STON2: variants seen among roughly 807,000 people sequenced by gnomAD.
The protein encoded by STON2 is stonin 2.
Under a neutral mutation model 65.7 loss-of-function variants are expected in STON2, and 29 were observed. The ratio of observed to expected loss-of-function variants is 0.44; its 90% confidence interval spans 0.33 to 0.60. The LOEUF is 0.60. Among genes scored for constraint, STON2 ranks in the 20% least tolerant of loss-of-function variants. The probability of loss-of-function intolerance (pLI) is 0.03; values close to 1 mark genes in which losing one functional copy is unlikely to be tolerated. For missense variants in STON2, 1,054 were observed against 1,118.1 expected, an observed-to-expected ratio of 0.94 and a Z score of 0.82; for synonymous variants, 404 against 414.2, an observed-to-expected ratio of 0.98 and a Z score of 0.30.
chr14:81,381,901 A>G (rs144250186), intron 3 of STON2, among the ~76,000 whole-genome samples: 39 of 152,312 alleles, frequency 2.6e-4, no homozygotes, highest in African/African-American at 8.4e-4. Flanking sequence ...AATAATGCTC[A>G]TGGAAGTGCA....
intron 2 of STON2, among the ~76,000 whole-genome samples, chr14:81,408,787 G>A (rs986766366): frequency 6.6e-6 from 1 of 152,176 alleles, no homozygotes; most frequent in African/African-American, 2.4e-5. Context: ...CTGATCTTTG[G>A]TGCATTCCTG....
At chr14:81,423,911 G>A (rs959174774) in intron 2 of STON2, among the ~76,000 whole-genome samples, 8 of 152,218 alleles carry the variant, frequency 5.3e-5, no homozygotes, top group East Asian at 1.9e-4. Context: ...TGCGAGAGTC[G>A]ATGTCTGTTG....
intron 4 of STON2, among the ~76,000 whole-genome samples, chr14:81,368,865 G>A (rs969730729): frequency 1.3e-5 from 2 of 152,134 alleles, no homozygotes; most frequent in South Asian, 2.1e-4. Flanking sequence ...AAACTCTGGC[G>A]TAGGGGCCAG....
At chr14:81,268,691 T>C (rs1274782648) in intron 7 of STON2, 194 bp from the exon 8 acceptor site, 47 of 956,052 alleles carry the variant, frequency 4.9e-5, no homozygotes, top group Admixed American at 6.2e-5. Context: ...TTAACTGGTC[T>C]GTAATTCCCT....
chr14:81,265,372 G>T lies in STON2; in HGVS notation c.*3042C>A. ...TTTTTAAAAATTAATAATAATTTGT[G>T]GGTCCAGCATGGTGGCTCACGCCTG... On this transcript the variant is annotated 3_prime_UTR_variant, in exon 8 of 8. Coordinates refer to ENST00000614646, the MANE Select transcript of STON2 (RefSeq NM_001394390.1). 1.0e-6 allele frequency: 1 copy of T among 983,298 alleles called. No homozygotes were observed. The highest frequency in any genetic ancestry group is 1.7e-5 in the African/African-American group (1 of 57,250). The allele number at this position is 983,298 out of a possible 1,614,324, so 60.9% of individuals were successfully genotyped here. A position where few individuals can be genotyped will look rare whatever the true frequency, so the allele number is the denominator to read the frequency against.
intron 4 of STON2, among the ~76,000 whole-genome samples, chr14:81,349,562 C>T (rs1287181167): frequency 6.6e-6 from 1 of 151,924 alleles, no homozygotes; most frequent in Admixed American, 6.6e-5. Context: ...CAGTATGATA[C>T]TATCAGGAAT....
At chr14:81,290,495 T>C (rs1355221913) in intron 5 of STON2, among the ~76,000 whole-genome samples, 1 of 152,186 alleles carries the variant, frequency 6.6e-6, no homozygotes, top group African/African-American at 2.4e-5. Flanking sequence ...TCTGAGTCTG[T>C]ATCACATCGA....
chr14:81,356,544 C>T (rs1898242351), intron 4 of STON2, among the ~76,000 whole-genome samples: 1 of 152,042 alleles, frequency 6.6e-6, no homozygotes, highest in Admixed American at 6.6e-5. Flanking sequence ...GGGAGGATTC[C>T]CTCTTTTTCT....
In STON2 at chr14:81,264,952, A is replaced by G. The variant is rs1381610238; in HGVS notation, c.*3462T>C. ...TCAAAAAGCAGGCCCTAGACTCAAA[A>G]GAAAGCACAGCTCTTGATACCACGT... On this transcript the variant is annotated 3_prime_UTR_variant, in exon 8 of 8. Coordinates refer to ENST00000614646, the MANE Select transcript of STON2 (RefSeq NM_001394390.1). 1 of 985,322 alleles carries G rather than the reference A, an allele frequency of 1.0e-6. No homozygotes were observed. Among genetic ancestry groups the G allele is most frequent in the Non-Finnish European group, 1.2e-6 (1 of 829,932 alleles). 61.0% of individuals were successfully genotyped at this position (985,322 alleles called of 1,614,324 possible).
At chr14:81,363,704 G>A (rs1037671294) in intron 4 of STON2, among the ~76,000 whole-genome samples, 7 of 152,202 alleles carry the variant, frequency 4.6e-5, no homozygotes, top group East Asian at 3.9e-4. Flanking sequence ...TATCTCTGAC[G>A]TTTGTAACTA....
At chr14:81,291,234 TG>T (rs1303002704) in intron 5 of STON2, among the ~76,000 whole-genome samples, 9 of 148,638 alleles carry the variant, frequency 6.1e-5, no homozygotes, top group Admixed American at 5.3e-4. Flanking sequence ...ACAAGGGATA[TG>T]AAAGTCCGTA....
At chr14:81,406,535 G>A (rs1209199612) in intron 2 of STON2, among the ~76,000 whole-genome samples, 1 of 152,134 alleles carries the variant, frequency 6.6e-6, no homozygotes, top group Non-Finnish European at 1.5e-5. Context: ...GGCTCACAGG[G>A]ACTGAAATAA....
chr14:81,301,130 T>C (rs1895953070), intron 5 of STON2, among the ~76,000 whole-genome samples: 1 of 152,156 alleles, frequency 6.6e-6, no homozygotes, highest in Non-Finnish European at 1.5e-5. Context: ...ACCAACCCCA[T>C]AAGGAAGATA....
upstream of STON2, among the ~76,000 whole-genome samples, chr14:81,402,680 G>T (rs1038829168): frequency 6.6e-6 from 1 of 152,148 alleles, no homozygotes; most frequent in Non-Finnish European, 1.5e-5. Flanking sequence ...CTAAGTTTCA[G>T]AACGAGTTTG....
At position 81,324,079 on chromosome 14, in the gene STON2, G is replaced by A. The variant is rs1281017399; in HGVS notation, c.680C>T (p.Ser227Leu). Reference protein sequence around the residue: ...RTHRLDPSPPSPQPKRSQNPG... With the variant: ...RTHRLDPSPPLPQPKRSQNPG... The stretch of plus-strand genomic sequence containing the variant: ...GTTCTGGCTCCTCTTGGGCTGGGGT[G>A]AGGGTGGCGAGGGGTCCAGGCGGTG... The change falls in exon 5 of 8, where the codon TCA becomes TTA. Residue 227 changes from serine (S) to leucine (L), a missense_variant. By Grantham distance (145) the Ser-to-Leu change is moderately radical (BLOSUM62 -2). Coordinates refer to ENST00000614646, the MANE Select transcript of STON2 (RefSeq NM_001394390.1). Among the ~76,000 whole-genome samples the A allele has an allele frequency of 6.6e-6, 1 of 152,234 alleles. No homozygotes were observed. Among genetic ancestry groups the A allele is most frequent in the African/African-American group, 2.4e-5 (1 of 41,460 alleles).
At position 81,278,216 on chromosome 14, in the gene STON2, A is replaced by G; in HGVS notation, c.1266T>C (p.Asp422=). 1.2e-6 allele frequency: 2 copies of G among 1,614,128 alleles called. No homozygotes were observed. The highest frequency in any genetic ancestry group is 1.7e-6 in the Non-Finnish European group (2 of 1,180,030). Reference sequence around the variant, plus strand: ...TGCTTGAATCATCAAAACTGATGGCATCCTGGTAGATGACAATGAGGGAAT... The same window carrying G: ...TGCTTGAATCATCAAAACTGATGGCGTCCTGGTAGATGACAATGAGGGAAT... ...QRDSLIVIYQ[D]AISFDDSSKT... The change falls in exon 6 of 8, where the codon GAT becomes GAC. Residue 422 remains aspartate (D), a synonymous_variant. Transcript: ENST00000614646.
intron 5 of STON2, among the ~76,000 whole-genome samples, chr14:81,298,423 G>GA (rs145408882): frequency 8.2e-5 from 6 of 73,072 alleles, no homozygotes; most frequent in East Asian, 7.6e-4. Context: ...ATGGGGGGGG[G>GA]GAATCACAGA....
At chr14:81,292,535 G>A (rs1225464585) in intron 5 of STON2, among the ~76,000 whole-genome samples, 1 of 152,128 alleles carries the variant, frequency 6.6e-6, no homozygotes, top group Non-Finnish European at 1.5e-5. Flanking sequence ...AGGTCTGATG[G>A]TTTTATAAGG....
At chr14:81,356,933 A>G (rs534256918) in intron 4 of STON2, among the ~76,000 whole-genome samples, 2 of 152,044 alleles carry the variant, frequency 1.3e-5, no homozygotes, top group Non-Finnish European at 1.5e-5. Context: ...CTGTCTATCA[A>G]TTTTGTTGAT....
Sources: allele counts gnomAD v4.1 joint callset (sites outside exome capture counted in the v4.1 genomes callset), GRCh38; gene constraint gnomAD v4.1.1; transcripts MANE v1.5; gene names NCBI Gene and HGNC (gene_info 2026-07-23, HGNC 2026-07-21).